Variants in ASAP2 observed in about 807,000 individuals in gnomAD.
The protein encoded by ASAP2 is arf-GAP with SH3 domain, ANK repeat and PH domain-containing protein 2.
Under a neutral mutation model 131.4 loss-of-function variants are expected in ASAP2, and 45 were observed. That is an observed-to-expected ratio of 0.34 (90% CI 0.27 to 0.44). The LOEUF is 0.44. ASAP2 is among the 20% of genes least tolerant of loss of function. ASAP2 has a pLI of 1.00. For synonymous variants in ASAP2, 510 were observed against 503.0 expected, an observed-to-expected ratio of 1.01 and a Z score of -0.19; for missense variants, 1,011 against 1,297.0, an observed-to-expected ratio of 0.78 and a Z score of 3.39.
chr2:9,390,989 T>C (rs1029275623), intron 22 of ASAP2, 73 bp from the exon 23 acceptor site: 88 of 1,609,582 alleles, frequency 5.5e-5, no homozygotes, highest in Non-Finnish European at 7.3e-5. Flanking sequence ...CGCAGTGTTC[T>C]GTTTCTGTTT....
At chr2:9,362,746 G>A (rs1249863515) in intron 15 of ASAP2, among the ~76,000 whole-genome samples, 1 of 152,122 alleles carries the variant, frequency 6.6e-6, no homozygotes, top group Non-Finnish European at 1.5e-5. Flanking sequence ...GGAGGCTGAG[G>A]CAGGAGGATC....
rs753966179 is a variant in ASAP2 at position 9,247,028 on chromosome 2, A to T, written c.127-32289A>T. Among the ~76,000 whole-genome samples the T allele has an allele frequency of 4.7e-4, 72 of 152,032 alleles. No homozygotes were observed. The Middle Eastern group carries it at 0.01, about 22-fold the overall frequency. On this transcript the variant is annotated intron_variant, in intron 1 of 27. Transcript: ENST00000281419. Reference sequence around the variant, plus strand: ...CTGATTTTTTAATGTTTTTGTAGAGATGGGGTCTGTGTTGTCCAGGATGGC... The same window carrying T: ...CTGATTTTTTAATGTTTTTGTAGAGTTGGGGTCTGTGTTGTCCAGGATGGC...
chr2:9,360,440 G>A (rs563829389), intron 15 of ASAP2, among the ~76,000 whole-genome samples: 2 of 152,262 alleles, frequency 1.3e-5, no homozygotes, highest in Non-Finnish European at 2.9e-5. Flanking sequence ...AACCTTTGAC[G>A]AGCCTGGGAC....
rs149433986 is a variant in ASAP2 at position 9,349,439 on chromosome 2, G to T, written c.1024-1369G>T. Among the ~76,000 whole-genome samples, 389 of 152,324 alleles carry T rather than the reference G, an allele frequency of 2.6e-3. 2 individuals carry two copies. The highest frequency in any genetic ancestry group is 9.1e-3 in the African/African-American group (377 of 41,566). On this transcript the variant is annotated intron_variant, in intron 11 of 27. Coordinates refer to ENST00000281419, the MANE Select transcript of ASAP2 (RefSeq NM_003887.3). ...CCATGTTTCTAGAAATAGATCATTT[G>T]CTGTATTGGTTCCTGGATAAGTTAG...
At chr2:9,381,962 T>A (rs2148746941) in intron 20 of ASAP2, among the ~76,000 whole-genome samples, 1 of 149,760 alleles carries the variant, frequency 6.7e-6, no homozygotes, top group Middle Eastern at 3.5e-3. Flanking sequence ...GCACTGTACA[T>A]CCACGAGCTC....
intron 1 of ASAP2, among the ~76,000 whole-genome samples, chr2:9,248,619 C>T (rs1050489703): frequency 3.3e-5 from 5 of 152,066 alleles, no homozygotes; most frequent in African/African-American, 1.2e-4. Context: ...CTAGGCAAGA[C>T]GCTGACGGTG....
Position 9,296,410 on chromosome 2 carries a change from A to T in ASAP2, c.200-890A>T, listed in dbSNP as rs114654115. ...GAGTTTGGTGAAAATCCATGCATGC[A>T]TTTGGCGTCCAGCAGGGATTGAGAA... is the stretch of plus-strand genomic sequence containing the variant. On this transcript the variant is annotated intron_variant, in intron 2 of 27. Coordinates refer to ENST00000281419, the MANE Select transcript of ASAP2 (RefSeq NM_003887.3). Among the ~76,000 whole-genome samples the T allele has an allele frequency of 5.5e-3, 837 of 152,262 alleles. 8 individuals carry two copies. The highest frequency in any genetic ancestry group is 0.015 in the African/African-American group (617 of 41,550).
intron 12 of ASAP2, among the ~76,000 whole-genome samples, chr2:9,354,123 G>A (rs539422324): frequency 2.0e-5 from 3 of 152,260 alleles, no homozygotes; most frequent in East Asian, 1.9e-4. Flanking sequence ...CATTATCCGC[G>A]AACCCCATAG....
chr2:9,387,045 A>T (rs1455333156), intron 21 of ASAP2, among the ~76,000 whole-genome samples: 2 of 147,990 alleles, frequency 1.4e-5, no homozygotes, highest in Non-Finnish European at 3.0e-5. Flanking sequence ...TCTACTAAAA[A>T]ATACAAAAAA....
At chr2:9,318,870 TAA>T (rs1669970951) in intron 4 of ASAP2, among the ~76,000 whole-genome samples, 1 of 152,206 alleles carries the variant, frequency 6.6e-6, no homozygotes, top group Non-Finnish European at 1.5e-5. Flanking sequence ...TTGGAAAAAG[TAA>T]AGAGTTTCGG....
chr2:9,349,008 C>A (rs1356691637), intron 11 of ASAP2, among the ~76,000 whole-genome samples: 1 of 152,178 alleles, frequency 6.6e-6, no homozygotes, highest in Non-Finnish European at 1.5e-5. Flanking sequence ...AGCTGTATAA[C>A]CTCAACCAGA....
intron 1 of ASAP2, chr2:9,271,277 A>G (rs577738829): frequency 3.3e-5 from 25 of 766,808 alleles, no homozygotes; most frequent in African/African-American, 1.9e-4. Flanking sequence ...ACAGTGAGCC[A>G]CAAGCATTTA....
chr2:9,388,620 C>T, intron 22 of ASAP2, 74 bp downstream of exon 22: 2 of 1,543,828 alleles, frequency 1.3e-6, no homozygotes, highest in Non-Finnish European at 1.7e-6. Context: ...TGCAGCTGCC[C>T]TGCCTCCAAC....
intron 1 of ASAP2, among the ~76,000 whole-genome samples, chr2:9,261,203 T>C (rs1665555920): frequency 6.6e-6 from 1 of 152,110 alleles, no homozygotes; most frequent in Non-Finnish European, 1.5e-5. Context: ...TGCCGGGTGG[T>C]TATTTTCCCC....
chr2:9,344,981 C>G (rs1305237632), intron 11 of ASAP2, among the ~76,000 whole-genome samples, 181 bp downstream of exon 11: 1 of 123,276 alleles, frequency 8.1e-6, no homozygotes, highest in Non-Finnish European at 1.7e-5. Context: ...GCACCTGCAG[C>G]CTGTTTATGT....
chr2:9,241,434 C>T (rs1663960536), intron 1 of ASAP2, among the ~76,000 whole-genome samples: 1 of 152,134 alleles, frequency 6.6e-6, no homozygotes, highest in African/African-American at 2.4e-5. Context: ...TGGGGATGTA[C>T]ATACATACAT....
At chr2:9,219,170 T>TG (rs762001250) in intron 1 of ASAP2, among the ~76,000 whole-genome samples, 109 of 152,332 alleles carry the variant, frequency 7.2e-4, no homozygotes, top group Non-Finnish European at 4.4e-4. Context: ...TGTGGACTGT[T>TG]GAACTTCAAG....
At position 9,323,518 on chromosome 2, in the gene ASAP2, C is replaced by T. The variant is rs115649771; in HGVS notation, c.600+268C>T. On this transcript the variant is annotated intron_variant, in intron 6 of 27. Transcript: ENST00000281419. Reference sequence around the variant, plus strand: ...TGTTCTTTCTGGCTTCACGTACGTACTCTTGCTAAAATATTTATTCCTTGG... The same window carrying T: ...TGTTCTTTCTGGCTTCACGTACGTATTCTTGCTAAAATATTTATTCCTTGG... Among the ~76,000 whole-genome samples the T allele has an allele frequency of 2.9e-3, 439 of 152,322 alleles. 3 individuals carry two copies. The highest frequency in any genetic ancestry group is 0.01 in the African/African-American group (424 of 41,562).
chr2:9,300,203 A>C (rs1668397948), intron 3 of ASAP2, among the ~76,000 whole-genome samples: 1 of 152,182 alleles, frequency 6.6e-6, no homozygotes, highest in Non-Finnish European at 1.5e-5. Flanking sequence ...CCTGTACTCC[A>C]CCTGGGCGAC....
Sources: allele counts gnomAD v4.1 joint callset (sites outside exome capture counted in the v4.1 genomes callset), GRCh38; gene constraint gnomAD v4.1.1; transcripts MANE v1.5; gene names NCBI Gene and HGNC (gene_info 2026-07-23, HGNC 2026-07-21).